KCNK9: variants seen among roughly 807,000 people sequenced by gnomAD.
KCNK9 encodes the protein potassium two pore domain channel subfamily K member 9, also known as potassium channel subfamily K member 9.
Under a neutral mutation model 10.8 loss-of-function variants are expected in KCNK9, and 1 was observed. The observed-to-expected ratio is 0.09, with a 90% CI of 0.03 to 0.44. The LOEUF (loss-of-function observed/expected upper bound fraction) is 0.44. Ranked by LOEUF, KCNK9 falls within the 20% of genes least tolerant of loss-of-function variation. KCNK9 has a pLI of 0.97. For missense variants in KCNK9, 303 were observed against 515.0 expected, an observed-to-expected ratio of 0.59 and a Z score of 3.98; for synonymous variants, 231 against 222.7, an observed-to-expected ratio of 1.04 and a Z score of -0.33.
intron 1 of KCNK9, among the ~76,000 whole-genome samples, chr8:139,662,408 G>A (rs954929294): frequency 6.6e-6 from 1 of 152,168 alleles, no homozygotes; most frequent in African/African-American, 2.4e-5. Flanking sequence ...GGGACTGGGT[G>A]AGTTCTTTAT....
At position 139,677,145 on chromosome 8, in the gene KCNK9, G is replaced by A. The variant is rs184177507; in HGVS notation, c.283+25565C>T. Among the ~76,000 whole-genome samples, 889 of 152,202 alleles carry A rather than the reference G, an allele frequency of 5.8e-3. 3 individuals carry two copies. The highest frequency in any genetic ancestry group is 0.014 in the Middle Eastern group (4 of 294). On this transcript the variant is annotated intron_variant, in intron 1 of 1. Coordinates refer to ENST00000520439, the MANE Select transcript of KCNK9 (RefSeq NM_001282534.2). The stretch of plus-strand genomic sequence containing the variant: ...CTGGACCTGCCTTTAGTTGGTGGCC[G>A]CAGGGGACCCTACCCCCTGTGGCCA...
At chr8:139,615,616 CAG>C (rs1310551570), downstream of KCNK9, among the ~76,000 whole-genome samples, 3 of 152,026 alleles carry the variant, frequency 2.0e-5, no homozygotes, top group African/African-American at 4.8e-5. Context: ...TTGAAAGACT[CAG>C]TGACCATCCT....
intron 1 of KCNK9, among the ~76,000 whole-genome samples, chr8:139,661,345 A>G (rs1816146927): frequency 6.6e-6 from 1 of 152,146 alleles, no homozygotes; most frequent in Admixed American, 6.5e-5. Flanking sequence ...TTTCCAGGTG[A>G]TCAGGGCAGG....
intron 1 of KCNK9, among the ~76,000 whole-genome samples, chr8:139,657,621 T>C (rs1449214960): frequency 6.6e-6 from 1 of 152,076 alleles, no homozygotes; most frequent in East Asian, 1.9e-4. Context: ...CTTCCCACCA[T>C]ACACTGCAGA....
intron 1 of KCNK9, among the ~76,000 whole-genome samples, chr8:139,672,893 C>A (rs545379831): frequency 3.3e-4 from 51 of 152,336 alleles, no homozygotes; most frequent in African/African-American, 1.1e-3. Flanking sequence ...CCGGATCTTC[C>A]CTGGCATCAC....
At chr8:139,677,856 C>CCCCACAGCCTGACCCAGCCCATCCAGG (rs1563747889) in intron 1 of KCNK9, among the ~76,000 whole-genome samples, 1 of 47,302 alleles carries the variant, frequency 2.1e-5, no homozygotes, top group African/African-American at 5.0e-5. Context: ...CACATCCCAG[C>CCCCACAGCCTGACCCAGCCCATCCAGG]CCAAGGGGTC....
At chr8:139,660,286 C>G (rs1376510885) in intron 1 of KCNK9, among the ~76,000 whole-genome samples, 1 of 151,890 alleles carries the variant, frequency 6.6e-6, no homozygotes, top group Non-Finnish European at 1.5e-5. Context: ...GGCGACAGGC[C>G]CCTGGCTCCT....
At chr8:139,660,450 ATATAT>A (rs751268460) in intron 1 of KCNK9, among the ~76,000 whole-genome samples, 3,282 of 126,274 alleles carry the variant, frequency 0.026, 69 homozygotes, top group African/African-American at 0.068. Flanking sequence ...CTAAAAAAAA[ATATAT>A]ATATATATAT....
Position 139,702,550 on chromosome 8 carries a change from A to AG in KCNK9, c.283+159dup, listed in dbSNP as rs1014441765. Among the ~76,000 whole-genome samples, 6 of 151,688 alleles carry AG rather than the reference A, an allele frequency of 4.0e-5. No homozygotes were observed. Among genetic ancestry groups the AG allele is most frequent in the Admixed American group, 2.0e-4 (3 of 15,260 alleles). On this transcript the variant is annotated intron_variant, in intron 1 of 1. Transcript: ENST00000520439. This position sits in a 1 kb window ranked among gnomAD's most constrained non-coding sequence, Gnocchi z 7.5. ...AGGGTGAGGCTCGGAGGCGCCGCGG[A>AG]GGGGGGGCTCCCTAGAGAGGAGGGG... is the stretch of plus-strand genomic sequence containing the variant.
intron 1 of KCNK9, among the ~76,000 whole-genome samples, chr8:139,687,564 ATATATT>A (rs1331953365): frequency 1.6e-3 from 178 of 111,960 alleles, no homozygotes; most frequent in African/African-American, 4.3e-3. Flanking sequence ...ATATGTATAC[ATATATT>A]CATATATATG....
intron 1 of KCNK9, among the ~76,000 whole-genome samples, chr8:139,663,508 C>T (rs1488122967): frequency 6.6e-6 from 1 of 152,106 alleles, no homozygotes; most frequent in Non-Finnish European, 1.5e-5. Context: ...GACAGCATTG[C>T]TTCCCACCTG....
intron 1 of KCNK9, among the ~76,000 whole-genome samples, chr8:139,686,359 A>G (rs533625871): frequency 2.9e-4 from 44 of 152,330 alleles, no homozygotes; most frequent in African/African-American, 1.0e-3. Context: ...TTTGCAATCT[A>G]TCCATCTGAC....
chr8:139,620,899 A>C (rs1814756799), intron 1 of KCNK9, among the ~76,000 whole-genome samples: 1 of 152,206 alleles, frequency 6.6e-6, no homozygotes, highest in Non-Finnish European at 1.5e-5. Flanking sequence ...GAAGATTGAA[A>C]ATAAAGCCTG....
At chr8:139,683,309 T>C (rs544815829) in intron 1 of KCNK9, among the ~76,000 whole-genome samples, 5 of 152,260 alleles carry the variant, frequency 3.3e-5, no homozygotes. Flanking sequence ...GCCCCACCCC[T>C]GCTGGCAGCT....
chr8:139,659,094 C>A (rs1418342740), intron 1 of KCNK9, among the ~76,000 whole-genome samples: 3 of 152,236 alleles, frequency 2.0e-5, no homozygotes, highest in Non-Finnish European at 4.4e-5. Context: ...TGTATCAAGC[C>A]GCTGAGTCTT....
chr8:139,676,548 C>T (rs890874388), intron 1 of KCNK9, among the ~76,000 whole-genome samples: 2 of 152,230 alleles, frequency 1.3e-5, no homozygotes, highest in African/African-American at 2.4e-5. Context: ...CAGCCTGCCC[C>T]TGATTCTGAG....
chr8:139,634,228 G>A (rs1354617787), intron 1 of KCNK9, among the ~76,000 whole-genome samples: 1 of 152,230 alleles, frequency 6.6e-6, no homozygotes, highest in Non-Finnish European at 1.5e-5. Context: ...TCATGGGGAA[G>A]GTGATTCCCT....
intron 1 of KCNK9, among the ~76,000 whole-genome samples, chr8:139,639,097 G>A (rs559105586): frequency 1.3e-4 from 19 of 151,020 alleles, no homozygotes; most frequent in East Asian, 2.0e-4. Context: ...CTCCTGCGCC[G>A]CCCCTTCCTG....
At chr8:139,670,562 T>C (rs1816403364) in intron 1 of KCNK9, among the ~76,000 whole-genome samples, 1 of 152,232 alleles carries the variant, frequency 6.6e-6, no homozygotes, top group Non-Finnish European at 1.5e-5. Context: ...CTGGGTTATG[T>C]GCAAATACCG....
Sources: allele counts gnomAD v4.1 joint callset (sites outside exome capture counted in the v4.1 genomes callset), GRCh38; gene constraint gnomAD v4.1.1; non-coding constraint Gnocchi (gnomAD v3.1); transcripts MANE v1.5; gene names NCBI Gene and HGNC (gene_info 2026-07-23, HGNC 2026-07-21).